Variants in SETD3 observed in about 807,000 individuals in gnomAD.
The protein encoded by SETD3 is SET domain containing 3, actin N3(tau)-histidine methyltransferase.
Under a neutral mutation model 63.0 loss-of-function variants are expected in SETD3, and 19 were observed. The observed-to-expected ratio is 0.30, with a 90% CI of 0.21 to 0.44. The LOEUF (loss-of-function observed/expected upper bound fraction) is 0.44, where lower values mean the gene tolerates loss of function less well. Among genes scored for constraint, SETD3 ranks in the 20% least tolerant of loss-of-function variants. SETD3 has a pLI of 1.00. For synonymous variants in SETD3, 286 were observed against 264.1 expected (o/e 1.08, Z -0.80); for missense variants, 587 against 728.5 (o/e 0.81, Z 2.24).
intron 6 of SETD3, among the ~76,000 whole-genome samples, chr14:99,441,996 T>A (rs557449768): frequency 6.6e-6 from 1 of 152,216 alleles, no homozygotes; most frequent in Admixed American, 6.5e-5. Context: ...CCCCCAGGCA[T>A]TTTAAACAGT....
chr14:99,475,641 T>G (rs2139821283), intron 1 of SETD3, among the ~76,000 whole-genome samples: 1 of 152,366 alleles, frequency 6.6e-6, no homozygotes, highest in South Asian at 2.1e-4. Context: ...CAAAACCACT[T>G]AAGCATATTA....
At chr14:99,419,774 C>CAA (rs538399332) in intron 6 of SETD3, among the ~76,000 whole-genome samples, 2 of 82,968 alleles carry the variant, frequency 2.4e-5, no homozygotes, top group Middle Eastern at 7.4e-3. Context: ...GACTCCGTCT[C>CAA]AAAAAAAAAA....
intron 11 of SETD3, 84 bp downstream of exon 11, chr14:99,404,141 C>CTGTA: frequency 9.2e-7 from 1 of 1,081,866 alleles, no homozygotes. Context: ...ATCCACTTTA[C>CTGTA]CTTTAATCTG....
chr14:99,473,769 G>C (rs1301114382), intron 1 of SETD3, among the ~76,000 whole-genome samples: 2 of 152,142 alleles, frequency 1.3e-5, no homozygotes, highest in African/African-American at 2.4e-5. Flanking sequence ...ACTACATTCA[G>C]AATTAAATAC....
chr14:99,408,196 C>A (rs1309425582), intron 8 of SETD3, among the ~76,000 whole-genome samples: 1 of 152,134 alleles, frequency 6.6e-6, no homozygotes, highest in Non-Finnish European at 1.5e-5. Context: ...AACTCAATAT[C>A]CCAAGAATAA....
intron 6 of SETD3, among the ~76,000 whole-genome samples, chr14:99,449,475 C>T (rs6575721): frequency 1.3e-5 from 2 of 152,240 alleles, no homozygotes; most frequent in African/African-American, 4.8e-5. Context: ...GCATAAAATG[C>T]GTAATTTCAG....
chr14:99,481,925 GT>G (rs2139841296), upstream of SETD3, among the ~76,000 whole-genome samples: 1 of 152,358 alleles, frequency 6.6e-6, no homozygotes, highest in East Asian at 1.9e-4. Flanking sequence ...CGACTTTGGA[GT>G]TTTGGAGAGC....
chr14:99,435,926 G>T (rs148233163), intron 6 of SETD3, among the ~76,000 whole-genome samples: 3 of 152,112 alleles, frequency 2.0e-5, no homozygotes, highest in Non-Finnish European at 2.9e-5. Flanking sequence ...GCCCAAGACG[G>T]GGTAGTTTAT....
intron 6 of SETD3, among the ~76,000 whole-genome samples, chr14:99,437,165 CA>C (rs1215126208): frequency 2.0e-5 from 3 of 152,212 alleles, no homozygotes; most frequent in African/African-American, 7.2e-5. Flanking sequence ...ACCTCGCAGG[CA>C]CGCGGAGGAT....
intron 6 of SETD3, among the ~76,000 whole-genome samples, chr14:99,426,632 A>G (rs899158263): frequency 6.6e-6 from 1 of 152,240 alleles, no homozygotes; most frequent in Admixed American, 6.5e-5. Flanking sequence ...GCCACTTCCT[A>G]TTTTCCCCAG....
chr14:99,421,529 T>A (rs1015873305), intron 6 of SETD3, among the ~76,000 whole-genome samples: 1 of 152,104 alleles, frequency 6.6e-6, no homozygotes. Context: ...TCAGAATATG[T>A]AGATAAACTC....
At position 99,413,943 on chromosome 14, in the gene SETD3, T is replaced by C; in HGVS notation, c.676-9A>G. Reference sequence around the variant, plus strand: ...TTGGCATGAGGATGGGTCTGGGAATTAGAAGTTTTAGAAAGCAGAGGTGAA... The same window carrying C: ...TTGGCATGAGGATGGGTCTGGGAATCAGAAGTTTTAGAAAGCAGAGGTGAA... On this transcript the variant is annotated splice_polypyrimidine_tract_variant and intron_variant, in intron 6 of 12. Coordinates refer to ENST00000331768, the MANE Select transcript of SETD3 (RefSeq NM_032233.3). 4 of 1,612,610 alleles carry C rather than the reference T, an allele frequency of 2.5e-6. No individual in the cohort carries two copies. The highest frequency in any genetic ancestry group is 3.4e-6 in the Non-Finnish European group (4 of 1,178,666).
intron 8 of SETD3, chr14:99,410,129 G>A: frequency 1.4e-6 from 2 of 1,458,586 alleles, no homozygotes; most frequent in East Asian, 2.3e-5. Context: ...CACGCTGGAG[G>A]AGGTCTATGA....
chr14:99,455,863 A>G (rs1399475361), intron 6 of SETD3, among the ~76,000 whole-genome samples: 1 of 152,228 alleles, frequency 6.6e-6, no homozygotes, highest in African/African-American at 2.4e-5. Flanking sequence ...AACAATAAAA[A>G]ATGTCTTCAG....
chr14:99,405,097 A>C, intron 10 of SETD3, 108 bp downstream of exon 10: 1 of 1,436,174 alleles, frequency 7.0e-7, no homozygotes, highest in Non-Finnish European at 9.3e-7. Flanking sequence ...TAAACGGATT[A>C]AGACAAACTA....
intron 6 of SETD3, among the ~76,000 whole-genome samples, chr14:99,432,664 G>A (rs1893248282): frequency 6.6e-6 from 1 of 152,220 alleles, no homozygotes; most frequent in Non-Finnish European, 1.5e-5. Context: ...GATGGATGCA[G>A]ACGTAACAGT....
At chr14:99,451,927 TGAA>T (rs1282116684) in intron 6 of SETD3, among the ~76,000 whole-genome samples, 2 of 152,110 alleles carry the variant, frequency 1.3e-5, no homozygotes, top group South Asian at 2.1e-4. Context: ...AAACATCTCA[TGAA>T]GAAGATGTCA....
At chr14:99,484,943 T>C (rs1038445224), upstream of SETD3, among the ~76,000 whole-genome samples, 1 of 152,240 alleles carries the variant, frequency 6.6e-6, no homozygotes, top group Non-Finnish European at 1.5e-5. Context: ...TGCTTGTTTA[T>C]GGATTTTCAT....
At chr14:99,417,012 C>T (rs1408060500) in intron 6 of SETD3, among the ~76,000 whole-genome samples, 1 of 151,988 alleles carries the variant, frequency 6.6e-6, no homozygotes, top group Non-Finnish European at 1.5e-5. Flanking sequence ...TGTTCGGCTT[C>T]AATAAAAAAG....
Sources: allele counts gnomAD v4.1 joint callset (sites outside exome capture counted in the v4.1 genomes callset), GRCh38; gene constraint gnomAD v4.1.1; transcripts MANE v1.5; gene names NCBI Gene and HGNC (gene_info 2026-07-23, HGNC 2026-07-21).